Variants in MATN2 observed in about 807,000 individuals in gnomAD.
The protein encoded by MATN2 is matrilin 2.
In MATN2, 69 loss-of-function variants were observed where a neutral mutation model predicts 103.2. That is an observed-to-expected ratio of 0.67 (90% CI 0.55 to 0.82). The LOEUF is 0.82. MATN2 is among the 40% of genes least tolerant of loss of function. The pLI is 0.00. For synonymous variants in MATN2, 429 were observed against 450.2 expected, an observed-to-expected ratio of 0.95 and a Z score of 0.60; for missense variants, 1,023 against 1,211.5, an observed-to-expected ratio of 0.84 and a Z score of 2.31.
chr8:97,987,455 A>T (rs10108147), intron 6 of MATN2, among the ~76,000 whole-genome samples: 3,855 of 152,232 alleles, frequency 0.025, 151 homozygotes, highest in African/African-American at 0.088. Flanking sequence ...AGTTGAAGGA[A>T]AAAAAAGTGT....
At chr8:97,949,949 A>T (rs1810888630) in intron 4 of MATN2, among the ~76,000 whole-genome samples, 1 of 152,190 alleles carries the variant, frequency 6.6e-6, no homozygotes, top group Non-Finnish European at 1.5e-5. Context: ...AAATTTTTGG[A>T]AATGGTGCCT....
chr8:97,897,139 G>C (rs915306394), intron 2 of MATN2, among the ~76,000 whole-genome samples: 2 of 152,234 alleles, frequency 1.3e-5, no homozygotes, highest in Non-Finnish European at 2.9e-5. Flanking sequence ...AGATTACTGG[G>C]CCCTGTGCTC....
intron 4 of MATN2, among the ~76,000 whole-genome samples, chr8:97,943,403 GTCTCCT>G (rs57093769): frequency 0.58 from 84,027 of 145,996 alleles, 26,080 homozygotes; most frequent in Non-Finnish European, 0.71. Flanking sequence ...CTCCTTCTCT[GTCTCCT>G]TCTCCTTCTC....
At position 97,989,695 on chromosome 8, in the gene MATN2, T is replaced by TA. The variant is rs796323453; in HGVS notation, c.1082-4776dup. The stretch of plus-strand genomic sequence containing the variant: ...GATCAATAAATGGTACCTAGATTGT[T>TA]AAAAAAAAACACCATCTTTATTAAC... On this transcript the variant is annotated intron_variant, in intron 6 of 18. Transcript: ENST00000254898. 3.3e-3 allele frequency among the ~76,000 whole-genome samples: 495 copies of TA among 150,942 alleles called. 1 individual carries two copies. Among genetic ancestry groups the TA allele is most frequent in the African/African-American group, 1.0e-2 (411 of 41,160 alleles).
chr8:97,915,585 G>A (rs1187067026), intron 2 of MATN2, among the ~76,000 whole-genome samples: 1 of 152,168 alleles, frequency 6.6e-6, no homozygotes, highest in Non-Finnish European at 1.5e-5. Context: ...AGGCCCTGAG[G>A]CGCTGTGTTT....
At chr8:97,943,991 G>A (rs1444170647) in intron 4 of MATN2, among the ~76,000 whole-genome samples, 1 of 152,188 alleles carries the variant, frequency 6.6e-6, no homozygotes, top group African/African-American at 2.4e-5. Flanking sequence ...AGGCCCTGAT[G>A]TCCCCCAGAT....
At chr8:97,946,016 G>T (rs1810742531) in intron 4 of MATN2, among the ~76,000 whole-genome samples, 1 of 152,106 alleles carries the variant, frequency 6.6e-6, no homozygotes, top group African/African-American at 2.4e-5. Context: ...TCCTATTTCT[G>T]CTATCTGAAG....
intron 7 of MATN2, among the ~76,000 whole-genome samples, chr8:97,995,720 C>T (rs1812562139): frequency 6.6e-6 from 1 of 152,252 alleles, no homozygotes. Context: ...GCTCATAGCA[C>T]AGATTAACTT....
chr8:97,929,659 A>G (rs1009274286), intron 2 of MATN2, among the ~76,000 whole-genome samples: 2 of 152,134 alleles, frequency 1.3e-5, no homozygotes, highest in Admixed American at 6.5e-5. Context: ...GGGACTTAAC[A>G]TTTGCCTTTT....
intron 2 of MATN2, among the ~76,000 whole-genome samples, chr8:97,907,461 G>A (rs1330665767): frequency 2.7e-5 from 4 of 150,274 alleles, no homozygotes; most frequent in Middle Eastern, 3.5e-3. Context: ...ACAGGCGCCC[G>A]CCACCACAGC....
chr8:97,963,236 T>C (rs1811371771), intron 5 of MATN2, among the ~76,000 whole-genome samples: 1 of 152,212 alleles, frequency 6.6e-6, no homozygotes, highest in Non-Finnish European at 1.5e-5. Context: ...CTCTACTATT[T>C]GTTAAATGGG....
At chr8:98,014,804 A>G (rs1247283290) in intron 10 of MATN2, among the ~76,000 whole-genome samples, 4 of 152,150 alleles carry the variant, frequency 2.6e-5, no homozygotes, top group African/African-American at 7.2e-5. Context: ...CTCCAGAGAG[A>G]TACTGCAAAG....
At position 97,978,882 on chromosome 8, in the gene MATN2, C is replaced by T; in HGVS notation, c.959-4C>T. 6.2e-7 allele frequency: 1 copy of T among 1,613,822 alleles called. No individual in the cohort carries two copies. Among genetic ancestry groups the T allele is most frequent in the Non-Finnish European group, 8.5e-7 (1 of 1,179,808 alleles). On this transcript the variant is annotated splice_region_variant and splice_polypyrimidine_tract_variant and intron_variant, in intron 5 of 18. Transcript: ENST00000254898. Reference sequence around the variant, plus strand: ...TAATTCTGAATGTGTTTTATTCTCTCCAGCTGTGGACTACTGTGCCTCAGA... The same window carrying T: ...TAATTCTGAATGTGTTTTATTCTCTTCAGCTGTGGACTACTGTGCCTCAGA...
At chr8:97,887,254 A>G (rs1440726883) in intron 1 of MATN2, among the ~76,000 whole-genome samples, 1 of 151,760 alleles carries the variant, frequency 6.6e-6, no homozygotes, top group Non-Finnish European at 1.5e-5. Flanking sequence ...TGCTGTGTGG[A>G]CCAGGCTGGT....
At chr8:97,884,342 G>A (rs1224012484) in intron 1 of MATN2, among the ~76,000 whole-genome samples, 1 of 151,780 alleles carries the variant, frequency 6.6e-6, no homozygotes, top group Non-Finnish European at 1.5e-5. Context: ...ATTTCTCCAT[G>A]TTGATGAGGC....
At chr8:97,892,091 G>A (rs1818651758) in intron 2 of MATN2, among the ~76,000 whole-genome samples, 1 of 152,020 alleles carries the variant, frequency 6.6e-6, no homozygotes, top group Non-Finnish European at 1.5e-5. Context: ...ACAAAAATTA[G>A]CCTGGTTTGG....
chr8:97,881,452 T>G (rs1300552730), intron 1 of MATN2, among the ~76,000 whole-genome samples: 1 of 152,204 alleles, frequency 6.6e-6, no homozygotes, highest in African/African-American at 2.4e-5. Flanking sequence ...CAGAATAATC[T>G]TCTCTCTCTT....
At chr8:97,908,744 G>C (rs778876571) in intron 2 of MATN2, among the ~76,000 whole-genome samples, 2 of 151,998 alleles carry the variant, frequency 1.3e-5, no homozygotes, top group Non-Finnish European at 2.9e-5. Flanking sequence ...TGATTTTCCT[G>C]CCTCAGTCTC....
Position 98,035,646 on chromosome 8 carries a change from T to A in MATN2, c.2816-11T>A. On this transcript the variant is annotated splice_polypyrimidine_tract_variant and intron_variant, in intron 18 of 18. Coordinates refer to ENST00000254898, the MANE Select transcript of MATN2 (RefSeq NM_002380.5). ...TAGACAATTCTTCATCTTCCTTAAT[T>A]TGAGATTTACTAGAAGAAATGACAC... 1 of 1,530,326 alleles carries A rather than the reference T, an allele frequency of 6.5e-7. No individual in the cohort carries two copies. Among genetic ancestry groups the A allele is most frequent in the Non-Finnish European group, 9.0e-7 (1 of 1,113,792 alleles). The allele number at this position is 1,530,326 out of a possible 1,614,324, so 94.8% of individuals were successfully genotyped here. A position where few individuals can be genotyped will look rare whatever the true frequency, so the allele number is the denominator to read the frequency against.
Sources: allele counts gnomAD v4.1 joint callset (sites outside exome capture counted in the v4.1 genomes callset), GRCh38; gene constraint gnomAD v4.1.1; transcripts MANE v1.5; gene names NCBI Gene and HGNC (gene_info 2026-07-23, HGNC 2026-07-21).